The following SAMTOR variants were observed in gnomAD, a reference collection of about 807,000 sequenced individuals.
SAMTOR encodes the protein UPF0532 protein C7orf60.
chr7:112,826,921 TTA>T, the SAMTOR span, among the ~76,000 whole-genome samples: 2 of 152,206 alleles, frequency 1.3e-5, no homozygotes, highest in Non-Finnish European at 2.9e-5. Flanking sequence ...TTATCAATGT[TTA>T]TGTTTCCTTG....
At chr7:112,934,155 C>T in the SAMTOR span, among the ~76,000 whole-genome samples, 2 of 152,114 alleles carry the variant, frequency 1.3e-5, no homozygotes, top group Non-Finnish European at 2.9e-5. Flanking sequence ...CAGCAGACAC[C>T]CGATCCCTGG....
chr7:112,852,317 A>G, the SAMTOR span, among the ~76,000 whole-genome samples: 1 of 152,266 alleles, frequency 6.6e-6, no homozygotes, highest in South Asian at 2.1e-4. Context: ...AGCAGTATGA[A>G]TGGAACTGGA....
chr7:112,860,637 T>C, the SAMTOR span, among the ~76,000 whole-genome samples: 1 of 151,964 alleles, frequency 6.6e-6, no homozygotes, highest in African/African-American at 2.4e-5. Context: ...GCGCCGTGGC[T>C]CACGCCTGTA....
At chr7:112,865,725 CAT>C in the SAMTOR span, among the ~76,000 whole-genome samples, 1 of 136,288 alleles carries the variant, frequency 7.3e-6, no homozygotes, top group African/African-American at 2.9e-5. Context: ...TTCATATATA[CAT>C]ATATTCATAT....
chr7:112,934,384 G>A, the SAMTOR span, among the ~76,000 whole-genome samples: 11 of 152,170 alleles, frequency 7.2e-5, no homozygotes, highest in African/African-American at 2.7e-4. Flanking sequence ...AAGCCAATCT[G>A]CCTGACTACC....
At chr7:112,856,212 T>C in the SAMTOR span, among the ~76,000 whole-genome samples, 5 of 152,040 alleles carry the variant, frequency 3.3e-5, no homozygotes, top group African/African-American at 1.2e-4. Flanking sequence ...TTATAGACTT[T>C]TTAAAAAAGA....
chr7:112,822,084 C>G, the SAMTOR span: 1 of 1,613,624 alleles, frequency 6.2e-7, no homozygotes, highest in Non-Finnish European at 8.5e-7. Context: ...AGCAATCTTC[C>G]AGCTTTTCAT....
At chr7:112,870,945 A>G in the SAMTOR span, among the ~76,000 whole-genome samples, 2 of 152,152 alleles carry the variant, frequency 1.3e-5, no homozygotes, top group African/African-American at 4.8e-5. Flanking sequence ...AGGGCACTAC[A>G]TAATGATAAA....
At chr7:112,828,833 C>T in the SAMTOR span, among the ~76,000 whole-genome samples, 4 of 152,054 alleles carry the variant, frequency 2.6e-5, no homozygotes, top group Admixed American at 1.3e-4. Context: ...TGAAGAAAAT[C>T]GATTTCATCT....
the SAMTOR span, chr7:112,939,418 C>G: frequency 4.2e-6 from 4 of 953,108 alleles, no homozygotes; most frequent in South Asian, 5.0e-5. Context: ...CGGGGAGGAG[C>G]GCGTCTGATG....
At chr7:112,875,929 T>C in the SAMTOR span, among the ~76,000 whole-genome samples, 6 of 152,196 alleles carry the variant, frequency 3.9e-5, no homozygotes, top group Non-Finnish European at 1.5e-5. Flanking sequence ...CCAGATGACA[T>C]GTGGTTCCAC....
the SAMTOR span, among the ~76,000 whole-genome samples, chr7:112,917,201 C>G: frequency 6.6e-6 from 1 of 152,200 alleles, no homozygotes; most frequent in African/African-American, 2.4e-5. Context: ...GGAGGCACCC[C>G]CCAGTAGGGG....
At chr7:112,877,531 A>T in the SAMTOR span, among the ~76,000 whole-genome samples, 1 of 152,216 alleles carries the variant, frequency 6.6e-6, no homozygotes, top group Non-Finnish European at 1.5e-5. Flanking sequence ...ATCATATACG[A>T]ACATAAATAA....
At chr7:112,854,997 C>A in the SAMTOR span, among the ~76,000 whole-genome samples, 1 of 152,054 alleles carries the variant, frequency 6.6e-6, no homozygotes, top group Admixed American at 6.6e-5. Flanking sequence ...AATATCATTA[C>A]CATATAACAA....
chr7:112,884,830 G>A, the SAMTOR span, among the ~76,000 whole-genome samples: 32 of 152,232 alleles, frequency 2.1e-4, no homozygotes, highest in African/African-American at 7.2e-4. Flanking sequence ...CAGTGCCCCA[G>A]TAGGGACTCT....
At chr7:112,880,888 C>T in the SAMTOR span, among the ~76,000 whole-genome samples, 1 of 152,154 alleles carries the variant, frequency 6.6e-6, no homozygotes, top group Non-Finnish European at 1.5e-5. Flanking sequence ...ACACTGGCTG[C>T]AGCAGGGGAG....
At chr7:112,933,333 G>C in the SAMTOR span, among the ~76,000 whole-genome samples, 1 of 152,270 alleles carries the variant, frequency 6.6e-6, no homozygotes, top group Admixed American at 6.5e-5. Flanking sequence ...TGACAAATGT[G>C]CCTGACTTAT....
chr7:112,915,181 T>G, the SAMTOR span: 7 of 828,170 alleles, frequency 8.5e-6, no homozygotes, highest in African/African-American at 1.3e-4. Context: ...GAGGTTGCAG[T>G]GAGCCGAGAT....
chr7:112,876,785 T>C, the SAMTOR span, among the ~76,000 whole-genome samples: 1 of 152,222 alleles, frequency 6.6e-6, no homozygotes, highest in African/African-American at 2.4e-5. Flanking sequence ...CTTTATTATC[T>C]AAAACTCAGT....
Sources: allele counts gnomAD v4.1 joint callset (sites outside exome capture counted in the v4.1 genomes callset), GRCh38; gene constraint gnomAD v4.1.1; transcripts MANE v1.5; gene names NCBI Gene and HGNC (gene_info 2026-07-23, HGNC 2026-07-21).